The following KRT8 variants were observed in gnomAD, a reference collection of about 807,000 sequenced individuals.
The protein encoded by KRT8 is keratin, type II cytoskeletal 8.
In KRT8, 24 loss-of-function variants were observed where a neutral mutation model predicts 43.0. The observed-to-expected ratio is 0.56, with a 90% CI of 0.40 to 0.78. The LOEUF (loss-of-function observed/expected upper bound fraction) is 0.78. Ranked by LOEUF, KRT8 falls within the 30% of genes least tolerant of loss-of-function variation. The pLI is 0.00. For missense variants in KRT8, 492 were observed against 638.4 expected, an observed-to-expected ratio of 0.77 and a Z score of 2.47; for synonymous variants, 214 against 261.2, an observed-to-expected ratio of 0.82 and a Z score of 1.74.
intron 2 of KRT8, among the ~76,000 whole-genome samples, chr12:52,945,311 C>T (rs1000465287): frequency 6.6e-6 from 1 of 152,164 alleles, no homozygotes; most frequent in Non-Finnish European, 1.5e-5. Flanking sequence ...CTCCCTCCAG[C>T]CCACCCCACC....
intron 2 of KRT8, among the ~76,000 whole-genome samples, chr12:52,914,499 T>C (rs1941698086): frequency 6.6e-6 from 1 of 152,144 alleles, no homozygotes; most frequent in Non-Finnish European, 1.5e-5. Context: ...ATCATACCAT[T>C]GCACTCCAGC....
In KRT8 at chr12:52,918,151, G is replaced by GA. The variant is rs1232741541; in HGVS notation, c.-46-13125dup. 1.6e-4 allele frequency among the ~76,000 whole-genome samples: 22 copies of GA among 139,108 alleles called. 1 individual carries two copies. Among genetic ancestry groups the GA allele is most frequent in the African/African-American group, 5.8e-4 (21 of 36,368 alleles). 91.3% of individuals were successfully genotyped at this position (139,108 alleles called of 152,430 possible). On this transcript the variant is annotated intron_variant, in intron 2 of 6. Coordinates refer to the KRT8 transcript ENST00000546826. ...AGAAGGAGGGGGAGAGGGAGAGGGA[G>GA]AAGGGGAAGAAGAAGAAGAAGAGGA...
At chr12:52,906,673 G>A (rs1307064811), upstream of KRT8, 1 of 455,752 alleles carries the variant, frequency 2.2e-6, no homozygotes, top group Non-Finnish European at 4.4e-6. Context: ...GGGTTCTCTG[G>A]AAGATACTGC....
intron 2 of KRT8, chr12:52,946,466 T>G (rs977322929): frequency 4.6e-5 from 7 of 152,258 alleles, no homozygotes; most frequent in South Asian, 2.1e-4. Context: ...CCTGAGGAAA[T>G]AGACTGGACA....
intron 2 of KRT8, among the ~76,000 whole-genome samples, chr12:52,935,058 A>C (rs1053842715): frequency 2.6e-5 from 4 of 151,544 alleles, no homozygotes; most frequent in Non-Finnish European, 5.9e-5. Flanking sequence ...CAGCATGGGA[A>C]ACAAGAGCAA....
chr12:52,899,704 C>T (rs1211341351), intron 5 of KRT8, 71 bp downstream of exon 5: 2 of 1,420,740 alleles, frequency 1.4e-6, no homozygotes, highest in East Asian at 2.3e-5. Context: ...AGAAACTTCA[C>T]TCTTCCTACA....
At chr12:52,905,139 G>T, upstream of KRT8, 3 of 1,384,030 alleles carry the variant, frequency 2.2e-6, no homozygotes, top group South Asian at 3.0e-5. Flanking sequence ...TACCTGAGTG[G>T]CTAGGCCCAG....
intron 2 of KRT8, among the ~76,000 whole-genome samples, chr12:52,938,168 A>ATTTTTTTT (rs1194326921): frequency 5.6e-5 from 2 of 35,468 alleles, no homozygotes; most frequent in African/African-American, 2.2e-4. Flanking sequence ...ATATATATAT[A>ATTTTTTTT]TATTTTTTTT....
intron 7 of KRT8, 83 bp from the exon 8 acceptor site, chr12:52,897,701 A>G: frequency 6.3e-7 from 1 of 1,576,694 alleles, no homozygotes. Flanking sequence ...GCTCATTCCC[A>G]ACATAGCCCC....
chr12:52,928,561 T>C (rs1942032583), intron 2 of KRT8, among the ~76,000 whole-genome samples: 1 of 152,056 alleles, frequency 6.6e-6, no homozygotes, highest in Non-Finnish European at 1.5e-5. Context: ...AGGCTGAATT[T>C]TATTCCCCTC....
At chr12:52,925,217 C>T (rs114235726) in intron 2 of KRT8, among the ~76,000 whole-genome samples, 160 of 152,274 alleles carry the variant, frequency 1.1e-3, no homozygotes, top group African/African-American at 3.6e-3. Flanking sequence ...AAGGTCAGGA[C>T]CGGGAGGAAT....
At chr12:52,939,255 C>A (rs1942228600) in intron 2 of KRT8, among the ~76,000 whole-genome samples, 2 of 152,088 alleles carry the variant, frequency 1.3e-5, no homozygotes. Flanking sequence ...CCTGTACTCC[C>A]AGCACTTTGG....
At chr12:52,902,101 T>G in intron 1 of KRT8, 29 bp from the exon 2 acceptor site, 4 of 1,430,296 alleles carry the variant, frequency 2.8e-6, no homozygotes, top group Non-Finnish European at 3.9e-6. Flanking sequence ...AGCAAAAAGG[T>G]CTACATCAGG....
chr12:52,949,585 G>A (rs766333046), exon 2 of KRT8: 1 of 1,613,000 alleles, frequency 6.2e-7, no homozygotes, highest in South Asian at 1.1e-5. Flanking sequence ...GGACCTGAGG[G>A]CTCAGGTAAG....
chr12:52,916,326 G>A (rs1592172900), intron 2 of KRT8, among the ~76,000 whole-genome samples: 1 of 152,240 alleles, frequency 6.6e-6, no homozygotes, highest in African/African-American at 2.4e-5. Context: ...GGAGCAGGAA[G>A]ATAGGGATGG....
chr12:52,931,065 C>G (rs554904064), intron 2 of KRT8, among the ~76,000 whole-genome samples: 3 of 149,740 alleles, frequency 2.0e-5, no homozygotes, highest in Non-Finnish European at 4.4e-5. Context: ...GTGTCTCCCC[C>G]AGATTCTTTT....
chr12:52,941,241 A>G (rs543608684), intron 2 of KRT8, among the ~76,000 whole-genome samples: 40 of 149,180 alleles, frequency 2.7e-4, no homozygotes, highest in Non-Finnish European at 5.2e-4. Context: ...TATAAATCTA[A>G]ATGTTTTAAA....
At chr12:52,926,157 C>G (rs535524510) in intron 2 of KRT8, among the ~76,000 whole-genome samples, 3 of 150,972 alleles carry the variant, frequency 2.0e-5, no homozygotes, top group Non-Finnish European at 4.4e-5. Context: ...CCCCGCCCCC[C>G]ACCACCTCTC....
At chr12:52,912,018 G>A (rs1354468601), upstream of KRT8, among the ~76,000 whole-genome samples, 1 of 152,196 alleles carries the variant, frequency 6.6e-6, no homozygotes, top group Non-Finnish European at 1.5e-5. Flanking sequence ...GACAGAGTGA[G>A]ACACTGTCTC....
Sources: gnomAD v4.1 joint callset for allele counts (sites outside exome capture counted in the v4.1 genomes callset) on GRCh38, gnomAD v4.1.1 for gene constraint, MANE v1.5 for transcripts, NCBI Gene and HGNC (gene_info 2026-07-23, HGNC 2026-07-21) for gene names.